Variants in EFNB3 observed in about 807,000 individuals in gnomAD.
The protein encoded by EFNB3 is ephrin-B3.
EFNB3 carries 14 observed loss-of-function variants against 29.8 expected under a neutral mutation model. The ratio of observed to expected loss-of-function variants is 0.47; its 90% CI spans 0.31 to 0.73. The LOEUF is 0.73. Ranked by LOEUF, EFNB3 falls within the 30% of genes least tolerant of loss-of-function variation. EFNB3 has a pLI of 0.05. For synonymous variants in EFNB3, 216 were observed against 191.6 expected (o/e 1.13, Z -1.05); for missense variants, 408 against 458.0 (o/e 0.89, Z 1.00).
In EFNB3 at chr17:7,705,724, A is replaced by G. The variant is rs767656072; in HGVS notation, c.122+4A>G. The G allele has an allele frequency of 1.6e-5, 25 of 1,561,570 alleles. No individual in the cohort carries two copies. In the East Asian group the frequency reaches 2.0e-4, roughly 13 times the overall value. ...ACTGGAACTCGGCGAATAAGAGGTG[A>G]GTGGCCTGCGGCTGGGGAGATCCCA... On this transcript the variant is annotated splice_donor_region_variant and intron_variant, in intron 1 of 4. Coordinates refer to ENST00000226091, the MANE Select transcript of EFNB3 (RefSeq NM_001406.4). This position sits in a 1 kb window ranked among gnomAD's most constrained non-coding sequence, Gnocchi z 5.4.
chr17:7,709,119 C>T lies in EFNB3; in HGVS notation c.614-48C>T, dbSNP rs1397002837. ...GTTGGGTGTCCAGGTGCCCAGGTGG[C>T]TCCTTCAGTCCCTCCCCCTCTTTCC... On this transcript the variant is annotated intron_variant, in intron 4 of 4. Transcript: ENST00000226091. This position sits in a 1 kb window ranked among gnomAD's most constrained non-coding sequence, Gnocchi z 4.5. The T allele has an allele frequency of 6.4e-7, 1 of 1,567,802 alleles. No individual in the cohort carries two copies. The highest frequency in any genetic ancestry group is 2.3e-5 in the East Asian group (1 of 44,302).
rs1391102132 is a variant in EFNB3 at position 7,708,495 on chromosome 17, G to C, written c.476G>C (p.Arg159Thr). ...CTGCAGGGAGGTGTGTGCCTAACCA[G>C]AGGCATGAAGGTGCTTCTCCGAGTG... ...ESLQGGVCLT[R>T]GMKVLLRVGQ... Residue 159 changes from arginine to threonine, a missense_variant, in exon 3 of 5, where the codon AGA (arginine) becomes ACA (threonine). Coordinates refer to ENST00000226091, the MANE Select transcript of EFNB3 (RefSeq NM_001406.4). The surrounding 1 kb of genome is among the most constrained non-coding windows in gnomAD (Gnocchi z 6.8). The C allele has an allele frequency of 6.2e-7, 1 of 1,613,908 alleles. No individual in the cohort carries two copies. The highest frequency in any genetic ancestry group is 8.5e-7 in the Non-Finnish European group (1 of 1,179,960).
chr17:7,709,682 C>T lies in EFNB3; in HGVS notation c.*106C>T, dbSNP rs2074342674. On this transcript the variant is annotated 3_prime_UTR_variant, in exon 5 of 5. Coordinates refer to ENST00000226091, the MANE Select transcript of EFNB3 (RefSeq NM_001406.4). The surrounding 1 kb of genome is among the most constrained non-coding windows in gnomAD (Gnocchi z 4.5). ...TCTAACATCTCGGCCCCCTGTGCCC[C>T]CCCAGCCCCTTCACTCCTCCCGGCT... 3 of 1,203,506 alleles carry T rather than the reference C, an allele frequency of 2.5e-6. No individual in the cohort carries two copies. Among genetic ancestry groups the T allele is most frequent in the Non-Finnish European group, 2.4e-6 (2 of 837,432 alleles). The allele number at this position is 1,203,506 out of a possible 1,614,324, so 74.6% of individuals were successfully genotyped here. A position where few individuals can be genotyped will look rare whatever the true frequency, so the allele number is the denominator to read the frequency against.
At position 7,709,408 on chromosome 17, in the gene EFNB3, T is replaced by C; in HGVS notation, c.855T>C (p.Pro285=). 1 of 1,606,936 alleles carries C rather than the reference T, an allele frequency of 6.2e-7. No homozygotes were observed. Among genetic ancestry groups the C allele is most frequent in the Non-Finnish European group, 8.5e-7 (1 of 1,175,984 alleles). Residue 285 remains proline (P), a synonymous_variant, in exon 5 of 5, where the codon CCT becomes CCC. Coordinates refer to ENST00000226091, the MANE Select transcript of EFNB3 (RefSeq NM_001406.4). This position sits in a 1 kb window ranked among gnomAD's most constrained non-coding sequence, Gnocchi z 4.5. The part of the protein sequence containing the change: ...LGLGGGGGMG[P]REAEPGELGI... ...TGGGGGGTGGAGGTGGGATGGGACCTCGGGAGGCTGAGCCTGGGGAGCTAG... is the reference window on the plus strand; with the variant it reads ...TGGGGGGTGGAGGTGGGATGGGACCCCGGGAGGCTGAGCCTGGGGAGCTAG...
Position 7,708,516 on chromosome 17 carries a change from G to C in EFNB3, c.497G>C (p.Arg166Pro), listed in dbSNP as rs1165640333. Reference sequence around the variant, plus strand: ...ACCAGAGGCATGAAGGTGCTTCTCCGAGTGGGACAAAGTGAGTGGGGCTGG... The same window carrying C: ...ACCAGAGGCATGAAGGTGCTTCTCCCAGTGGGACAAAGTGAGTGGGGCTGG... ...CLTRGMKVLL[R>P]VGQSPRGGAV... Residue 166 changes from arginine (R) to proline (P), a missense_variant, in exon 3 of 5, where the codon CGA (arginine) becomes CCA (proline). Coordinates refer to ENST00000226091, the MANE Select transcript of EFNB3 (RefSeq NM_001406.4). This position sits in a 1 kb window ranked among gnomAD's most constrained non-coding sequence, Gnocchi z 6.8. 1 of 1,613,582 alleles carries C rather than the reference G, an allele frequency of 6.2e-7. No homozygotes were observed. The highest frequency in any genetic ancestry group is 8.5e-7 in the Non-Finnish European group (1 of 1,179,826).
chr17:7,707,769 C>T (rs1419770128), intron 1 of EFNB3, among the ~76,000 whole-genome samples, 189 bp from the exon 2 acceptor site: 2 of 152,180 alleles, frequency 1.3e-5, no homozygotes. Flanking sequence ...TGGCTTCCTG[C>T]TGCTTCCAAT....
chr17:7,705,861 A>G lies in EFNB3; in HGVS notation c.122+141A>G. ...GCTCTGATGTGTGATGGGTTACTAG[A>G]CAGGTGATCTTGGGAGCCAGACTCC... On this transcript the variant is annotated intron_variant, in intron 1 of 4. Transcript: ENST00000226091. The surrounding 1 kb of genome is among the most constrained non-coding windows in gnomAD (Gnocchi z 5.4). 1 of 1,055,008 alleles carries G rather than the reference A, an allele frequency of 9.5e-7. No homozygotes were observed. Among genetic ancestry groups the G allele is most frequent in the Non-Finnish European group, 1.3e-6 (1 of 759,140 alleles). The allele number at this position is 1,055,008 out of a possible 1,614,324, so 65.4% of individuals were successfully genotyped here.
Position 7,708,257 on chromosome 17 carries a change from C to G in EFNB3, c.415+7C>G, listed in dbSNP as rs371919195. 4.4e-6 allele frequency: 7 copies of G among 1,607,978 alleles called. No individual in the cohort carries two copies. The African/African-American group carries it at 6.7e-5, about 15-fold the overall frequency. On this transcript the variant is annotated splice_region_variant and intron_variant, in intron 2 of 4. Transcript: ENST00000226091. The surrounding 1 kb of genome is among the most constrained non-coding windows in gnomAD (Gnocchi z 6.8). ...CACGATTACTACATCATTGGTACTG[C>G]TGGGCAGAGGGCACGATTGAGTGGG... is the stretch of plus-strand genomic sequence containing the variant.
In EFNB3 at chr17:7,705,877, G is replaced by C. The variant is rs2074326115; in HGVS notation, c.122+157G>C. Among the ~76,000 whole-genome samples, 1 of 151,798 alleles carries C rather than the reference G, an allele frequency of 6.6e-6. No individual in the cohort carries two copies. Among genetic ancestry groups the C allele is most frequent in the African/African-American group, 2.4e-5 (1 of 41,324 alleles). ...GGTTACTAGACAGGTGATCTTGGGA[G>C]CCAGACTCCGGGTCCCACGCAGAGC... On this transcript the variant is annotated intron_variant, in intron 1 of 4. Coordinates refer to ENST00000226091, the MANE Select transcript of EFNB3 (RefSeq NM_001406.4). The surrounding 1 kb of genome is among the most constrained non-coding windows in gnomAD (Gnocchi z 5.4).
rs189476991 is a variant in EFNB3, at chr17:7,708,303, A to G, written c.415+53A>G. The G allele has an allele frequency of 6.6e-4, 1,056 of 1,591,540 alleles. 1 individual carries two copies. The highest frequency in any genetic ancestry group is 8.7e-4 in the Non-Finnish European group (1,016 of 1,168,412). The stretch of plus-strand genomic sequence containing the variant: ...GTGGGGGGCTCCTGATACTGAGCAG[A>G]GAGGGAGGGGGACCCCTGCAGCCAA... On this transcript the variant is annotated intron_variant, in intron 2 of 4. Transcript: ENST00000226091. The surrounding 1 kb of genome is among the most constrained non-coding windows in gnomAD (Gnocchi z 6.8).
In EFNB3 at chr17:7,705,302, C is replaced by T. The variant is rs1435358175; in HGVS notation, c.-297C>T. 1.4e-5 allele frequency: 3 copies of T among 219,088 alleles called. No homozygotes were observed. Among genetic ancestry groups the T allele is most frequent in the Non-Finnish European group, 2.7e-5 (3 of 112,292 alleles). 13.6% of individuals were successfully genotyped at this position (219,088 alleles called of 1,614,324 possible). ...CTGGTCCGGCGCCCCATGCCGCCCC[C>T]GCCCGGTCCCCGGCTCCCCCAGTCC... is the stretch of plus-strand genomic sequence containing the variant. On this transcript the variant is annotated 5_prime_UTR_variant, in exon 1 of 5. Transcript: ENST00000226091. This position sits in a 1 kb window ranked among gnomAD's most constrained non-coding sequence, Gnocchi z 5.4.
At position 7,707,123 on chromosome 17, in the gene EFNB3, CCTGAGACCCTGTCTCAG is replaced by C. The variant is rs572228969; in HGVS notation, c.123-833_123-817del. 8.3e-3 allele frequency among the ~76,000 whole-genome samples: 1,266 copies of C among 152,208 alleles called. 7 individuals are homozygous for C. Among genetic ancestry groups the C allele is most frequent in the Non-Finnish European group, 0.013 (906 of 68,000 alleles). ...AAGTAGCAGTCCCCTGGGACCCAGT[CCTGAGACCCTGTCTCAG>C]CAGCTATTGATGTCCAGGAAGGGGC... On this transcript the variant is annotated intron_variant, in intron 1 of 4. Transcript: ENST00000226091.
intron 1 of EFNB3, among the ~76,000 whole-genome samples, chr17:7,707,096 T>G (rs1207751423): frequency 2.0e-5 from 3 of 152,016 alleles, no homozygotes; most frequent in Admixed American, 2.0e-4. Flanking sequence ...TGGGAAGATA[T>G]CAAGTAGCAG....
chr17:7,709,033 G>A lies in EFNB3; in HGVS notation c.614-134G>A. ...ATTCTGAGCAGAGTTCGGAGGGGGA[G>A]GAGAGATGGGGTCCCCAAGGGGCCT... On this transcript the variant is annotated intron_variant, in intron 4 of 4. Coordinates refer to ENST00000226091, the MANE Select transcript of EFNB3 (RefSeq NM_001406.4). The surrounding 1 kb of genome is among the most constrained non-coding windows in gnomAD (Gnocchi z 4.5). 3 of 920,226 alleles carry A rather than the reference G, an allele frequency of 3.3e-6. No homozygotes were observed. Among genetic ancestry groups the A allele is most frequent in the Non-Finnish European group, 5.0e-6 (3 of 599,898 alleles). The allele number at this position is 920,226 out of a possible 1,614,324, so 57.0% of individuals were successfully genotyped here. A position where few individuals can be genotyped will look rare whatever the true frequency, so the allele number is the denominator to read the frequency against.
At chr17:7,707,349 G>A (rs2074330837) in intron 1 of EFNB3, among the ~76,000 whole-genome samples, 1 of 152,206 alleles carries the variant, frequency 6.6e-6, no homozygotes, top group South Asian at 2.1e-4. Flanking sequence ...AATGACTCAG[G>A]CAGCAGGTTC....
Position 7,705,775 on chromosome 17 carries a change from C to A in EFNB3, c.122+55C>A. 1.3e-6 allele frequency: 2 copies of A among 1,511,930 alleles called. No homozygotes were observed. The highest frequency in any genetic ancestry group is 1.7e-4 in the Middle Eastern group (1 of 5,796). 93.7% of individuals were successfully genotyped at this position (1,511,930 alleles called of 1,614,324 possible). On this transcript the variant is annotated intron_variant, in intron 1 of 4. Transcript: ENST00000226091. The surrounding 1 kb of genome is among the most constrained non-coding windows in gnomAD (Gnocchi z 5.4). ...GACCCTAGGGCAGTGGGTAGGGAAG[C>A]TCTGGGGGCTTGGAGGCGGGCTTCT...
rs765408246 is a variant in EFNB3 at position 7,709,276 on chromosome 17, C to T, written c.723C>T (p.Gly241=). 3.2e-5 allele frequency: 51 copies of T among 1,581,956 alleles called. No homozygotes were observed. The highest frequency in any genetic ancestry group is 4.5e-5 in the East Asian group (2 of 44,316). The change falls in exon 5 of 5, where the codon GGC becomes GGT. Residue 241 remains glycine, a synonymous_variant. Transcript: ENST00000226091. The surrounding 1 kb of genome is among the most constrained non-coding windows in gnomAD (Gnocchi z 4.5). ...GGGGGCTGGCGCTGCTCTTGCTGGG[C>T]GTGGCAGGGGCTGGGGGTGCCATGT... The part of the protein sequence containing the change: ...AAGGLALLLL[G]VAGAGGAMCW...
At position 7,705,547 on chromosome 17, in the gene EFNB3, G is replaced by T. The variant is rs540525951; in HGVS notation, c.-52G>T. ...GCAGCCAAGGCAGCCACCCCGGGGG[G>T]TGGGCGACTTTGGGGGAGTTGGTGC... On this transcript the variant is annotated 5_prime_UTR_variant, in exon 1 of 5. Transcript: ENST00000226091. This position sits in a 1 kb window ranked among gnomAD's most constrained non-coding sequence, Gnocchi z 5.4. The T allele has an allele frequency of 3.4e-5, 39 of 1,135,282 alleles. No individual in the cohort carries two copies. Among genetic ancestry groups the T allele is most frequent in the Non-Finnish European group, 4.3e-5 (36 of 843,476 alleles). The allele number at this position is 1,135,282 out of a possible 1,614,324, so 70.3% of individuals were successfully genotyped here.
At position 7,710,014 on chromosome 17, in the gene EFNB3, C is replaced by T. The variant is rs2074344152; in HGVS notation, c.*438C>T. On this transcript the variant is annotated 3_prime_UTR_variant, in exon 5 of 5. Transcript: ENST00000226091. Reference sequence around the variant, plus strand: ...TTCCGTCTCTAGGTCTGTTCTTCTTCCCTAGCATCCTCCTCCCCACATCTC... The same window carrying T: ...TTCCGTCTCTAGGTCTGTTCTTCTTTCCTAGCATCCTCCTCCCCACATCTC... The T allele has an allele frequency of 7.8e-6, 2 of 257,392 alleles. No individual in the cohort carries two copies. Among genetic ancestry groups the T allele is most frequent in the South Asian group, 4.0e-5 (1 of 24,884 alleles). The allele number at this position is 257,392 out of a possible 1,614,324, so 15.9% of individuals were successfully genotyped here.
Sources: allele counts gnomAD v4.1 joint callset (sites outside exome capture counted in the v4.1 genomes callset), GRCh38; gene constraint gnomAD v4.1.1; non-coding constraint Gnocchi (gnomAD v3.1); transcripts MANE v1.5; gene names NCBI Gene and HGNC (gene_info 2026-07-23, HGNC 2026-07-21).